The following OPCML variants were observed in gnomAD, a reference collection of about 807,000 sequenced individuals.
OPCML encodes the protein opioid binding protein/cell adhesion molecule like.
A neutral mutation model predicts 37.8 loss-of-function variants in OPCML; 13 were observed. The observed-to-expected ratio is 0.34, with a 90% CI of 0.22 to 0.55. The LOEUF is 0.55. Ranked by LOEUF, OPCML falls within the 20% of genes least tolerant of loss-of-function variation. The pLI is 0.91. For missense variants in OPCML, 341 were observed against 435.6 expected (o/e 0.78, Z 1.93); for synonymous variants, 176 against 168.8 (o/e 1.04, Z -0.33).
chr11:133,274,829 A>G (rs1175189777), intron 1 of OPCML, among the ~76,000 whole-genome samples: 4 of 152,216 alleles, frequency 2.6e-5, no homozygotes, highest in Non-Finnish European at 5.9e-5. Flanking sequence ...TTTCTCCTTC[A>G]AATGCTGTAG....
chr11:132,597,846 G>T (rs1461516214), intron 3 of OPCML, among the ~76,000 whole-genome samples: 1 of 152,122 alleles, frequency 6.6e-6, no homozygotes, highest in Non-Finnish European at 1.5e-5. Flanking sequence ...GTATGTATGC[G>T]TGTTGTTTAA....
chr11:133,042,151 A>G (rs1434643578), intron 1 of OPCML, among the ~76,000 whole-genome samples: 1 of 152,158 alleles, frequency 6.6e-6, no homozygotes, highest in Non-Finnish European at 1.5e-5. Flanking sequence ...GCTCCTATTT[A>G]ATGAAGGCAG....
chr11:133,092,554 T>A (rs567482631), intron 1 of OPCML, among the ~76,000 whole-genome samples: 1 of 151,986 alleles, frequency 6.6e-6, no homozygotes, highest in South Asian at 2.1e-4. Context: ...GTGAAACCCC[T>A]GTCTCTACTA....
At chr11:132,547,844 T>C (rs1057147540) in intron 3 of OPCML, among the ~76,000 whole-genome samples, 17 of 152,082 alleles carry the variant, frequency 1.1e-4, no homozygotes, top group African/African-American at 3.4e-4. Flanking sequence ...CTGGTGACAG[T>C]GTCAAGCAGC....
intron 2 of OPCML, among the ~76,000 whole-genome samples, chr11:132,754,196 T>C (rs1186175792): frequency 6.6e-6 from 1 of 152,186 alleles, no homozygotes; most frequent in Non-Finnish European, 1.5e-5. Flanking sequence ...AATAAGGTAC[T>C]GCTCTTGTAT....
intron 1 of OPCML, among the ~76,000 whole-genome samples, chr11:133,179,968 A>G (rs117577556): frequency 6.6e-6 from 1 of 152,294 alleles, no homozygotes; most frequent in East Asian, 1.9e-4. Context: ...AAGCCCTGGA[A>G]TAACAGAACA....
chr11:133,248,340 C>T (rs1033903917), intron 1 of OPCML, among the ~76,000 whole-genome samples: 7 of 152,206 alleles, frequency 4.6e-5, no homozygotes, highest in Non-Finnish European at 7.3e-5. Flanking sequence ...GAAGGTGGGA[C>T]ACCTCTTTGG....
At chr11:133,311,222 C>G (rs544184838) in intron 1 of OPCML, among the ~76,000 whole-genome samples, 1 of 152,292 alleles carries the variant, frequency 6.6e-6, no homozygotes, top group South Asian at 2.1e-4. Context: ...AATTCATTAT[C>G]TTCATGTTTA....
At chr11:132,834,348 T>C (rs1940889174) in intron 2 of OPCML, among the ~76,000 whole-genome samples, 1 of 152,186 alleles carries the variant, frequency 6.6e-6, no homozygotes. Flanking sequence ...AGTCCGCGAA[T>C]GCTAAGTCCC....
At chr11:132,989,601 GC>G (rs1946738104) in intron 1 of OPCML, among the ~76,000 whole-genome samples, 1 of 111,630 alleles carries the variant, frequency 9.0e-6, no homozygotes, top group Non-Finnish European at 1.8e-5. Context: ...AGGTCCTAGA[GC>G]GTGTGTGTGT....
intron 4 of OPCML, among the ~76,000 whole-genome samples, chr11:132,455,341 C>G (rs2096079095): frequency 6.6e-6 from 1 of 152,162 alleles, no homozygotes; most frequent in South Asian, 2.1e-4. Flanking sequence ...TTACATGCTA[C>G]CGGTGAGATT....
intron 1 of OPCML, among the ~76,000 whole-genome samples, chr11:133,202,469 C>A (rs1452792915): frequency 6.6e-6 from 1 of 152,222 alleles, no homozygotes; most frequent in Non-Finnish European, 1.5e-5. Flanking sequence ...GGGGACCTCA[C>A]TATTCAACCG....
At chr11:133,260,595 G>A (rs1468907637) in intron 1 of OPCML, among the ~76,000 whole-genome samples, 1 of 152,138 alleles carries the variant, frequency 6.6e-6, no homozygotes, top group African/African-American at 2.4e-5. Flanking sequence ...CAGTGGAACA[G>A]CAGGACCTGG....
intron 1 of OPCML, among the ~76,000 whole-genome samples, chr11:133,364,243 C>G (rs556254319): frequency 6.6e-6 from 1 of 152,210 alleles, no homozygotes; most frequent in Non-Finnish European, 1.5e-5. Context: ...TGTGCATGTA[C>G]AAACCACCTA....
chr11:132,694,032 G>A (rs1020271377), intron 2 of OPCML, among the ~76,000 whole-genome samples: 6 of 152,034 alleles, frequency 3.9e-5, no homozygotes, highest in Non-Finnish European at 1.5e-5. Context: ...ACTCTCTGCA[G>A]GATGACTGAG....
chr11:132,949,779 T>A (rs748772087), intron 1 of OPCML, among the ~76,000 whole-genome samples: 3 of 152,198 alleles, frequency 2.0e-5, no homozygotes, highest in African/African-American at 4.8e-5. Context: ...ATTAATGAGA[T>A]CAGCTTTATT....
chr11:132,886,674 A>G (rs1943433187), intron 2 of OPCML, among the ~76,000 whole-genome samples: 1 of 152,120 alleles, frequency 6.6e-6, no homozygotes, highest in Non-Finnish European at 1.5e-5. Flanking sequence ...ATGAGTCCAT[A>G]CCGGGTTCAG....
At chr11:133,075,148 A>AC (rs1278720494) in intron 1 of OPCML, among the ~76,000 whole-genome samples, 1 of 151,728 alleles carries the variant, frequency 6.6e-6, no homozygotes, top group Non-Finnish European at 1.5e-5. Flanking sequence ...TCCTCCCCAT[A>AC]CCCCCTTTCT....
At chr11:133,134,099 C>T (rs1434530029) in intron 1 of OPCML, among the ~76,000 whole-genome samples, 1 of 152,092 alleles carries the variant, frequency 6.6e-6, no homozygotes. Flanking sequence ...TGTATCAATG[C>T]AAATCACAGG....
Sources: allele counts gnomAD v4.1 joint callset (sites outside exome capture counted in the v4.1 genomes callset), GRCh38; gene constraint gnomAD v4.1.1; transcripts MANE v1.5; gene names NCBI Gene and HGNC (gene_info 2026-07-23, HGNC 2026-07-21).